Variants in DENND4A observed in about 807,000 individuals in gnomAD.
DENND4A encodes DENN domain containing 4A.
Under a neutral mutation model 199.3 loss-of-function variants are expected in DENND4A, and 70 were observed. The ratio of observed to expected loss-of-function variants is 0.35; its 90% CI spans 0.29 to 0.43. The LOEUF is 0.43. Among genes scored for constraint, DENND4A ranks in the 20% least tolerant of loss-of-function variants. DENND4A has a pLI of 1.00. For missense variants in DENND4A, 1,723 were observed against 2,255.8 expected, an observed-to-expected ratio of 0.76 and a Z score of 4.78; for synonymous variants, 686 against 766.9, an observed-to-expected ratio of 0.89 and a Z score of 1.74.
At chr15:65,746,369 C>CTCTCTTTTTT (rs2076392238) in intron 4 of DENND4A, among the ~76,000 whole-genome samples, 6 of 51,302 alleles carry the variant, frequency 1.2e-4, no homozygotes, top group Admixed American at 3.4e-4. Context: ...ACTTTTTTCT[C>CTCTCTTTTTT]TTTTTTTTTT....
chr15:65,769,233 A>T (rs1165429840), intron 1 of DENND4A, among the ~76,000 whole-genome samples: 1 of 149,658 alleles, frequency 6.7e-6, no homozygotes, highest in African/African-American at 2.5e-5. Context: ...ACACACACAC[A>T]CTCAACTGTG....
At chr15:65,753,706 G>A (rs896791372) in intron 3 of DENND4A, among the ~76,000 whole-genome samples, 1 of 151,708 alleles carries the variant, frequency 6.6e-6, no homozygotes, top group Admixed American at 6.6e-5. Flanking sequence ...TAAATTAAAT[G>A]TGTTTTTGCA....
intron 21 of DENND4A, chr15:65,696,916 G>T: frequency 3.1e-6 from 1 of 318,070 alleles, no homozygotes; most frequent in Non-Finnish European, 6.1e-6. Context: ...CAATCATCAT[G>T]CTCATAAACT....
chr15:65,771,831 A>T, intron 1 of DENND4A: 1 of 1,613,084 alleles, frequency 6.2e-7, no homozygotes, highest in Non-Finnish European at 8.5e-7. Flanking sequence ...GCTTTTCTGG[A>T]TTACTTAAAA....
At chr15:65,751,437 AG>A (rs1200130010) in intron 4 of DENND4A, among the ~76,000 whole-genome samples, 1 of 152,210 alleles carries the variant, frequency 6.6e-6, no homozygotes, top group African/African-American at 2.4e-5. Flanking sequence ...GAGATATTCA[AG>A]AAGGGATGAT....
At chr15:65,771,773 G>C (rs910615841) in intron 1 of DENND4A, 5 of 1,612,996 alleles carry the variant, frequency 3.1e-6, no homozygotes, top group South Asian at 2.2e-5. Flanking sequence ...CCATTGTTTT[G>C]GTGGTTACAT....
At chr15:65,717,532 T>C (rs530333335) in intron 13 of DENND4A, among the ~76,000 whole-genome samples, 70 of 152,274 alleles carry the variant, frequency 4.6e-4, no homozygotes, top group African/African-American at 1.5e-3. Flanking sequence ...GACACAAAAG[T>C]GTAGTCGGTA....
intron 9 of DENND4A, 136 bp from the exon 10 acceptor site, chr15:65,729,814 T>A: frequency 1.3e-6 from 1 of 767,058 alleles, no homozygotes; most frequent in East Asian, 2.8e-5. Flanking sequence ...TTGTATTATA[T>A]ATTCACCGTT....
chr15:65,771,287 A>G (rs568151701), intron 1 of DENND4A: 28 of 1,584,024 alleles, frequency 1.8e-5, no homozygotes, highest in South Asian at 6.7e-5. Context: ...TGCATACTGC[A>G]TATCTGTTTT....
At position 65,756,303 on chromosome 15, in the gene DENND4A, C is replaced by T; in HGVS notation, c.148G>A (p.Val50Ile). 6.2e-7 allele frequency: 1 copy of T among 1,613,570 alleles called. No homozygotes were observed. Among genetic ancestry groups the T allele is most frequent in the Non-Finnish European group, 8.5e-7 (1 of 1,179,708 alleles). ...KPKEPITDVS[V>I]IIKSLGEEVP... ...TCCTCCCCAAGAGATTTGATAATAA[C>T]TGAAACATCTGTAATAGGTTCTTTT... The change falls in exon 3 of 33, where the codon GTT becomes ATT. Residue 50 changes from valine to isoleucine, a missense_variant. Physicochemically the swap from Val to Ile is conservative, Grantham distance 29. Around this residue, in one of 6 missense-constraint regions of DENND4A, gnomAD observed 725 missense variants for 952.9 expected, o/e 0.76. Transcript: ENST00000443035.
chr15:65,751,027 G>C (rs762091291), intron 4 of DENND4A, among the ~76,000 whole-genome samples: 1 of 151,654 alleles, frequency 6.6e-6, no homozygotes, highest in Non-Finnish European at 1.5e-5. Flanking sequence ...TTTTATAAAG[G>C]GTTAAAAAAA....
intron 14 of DENND4A, among the ~76,000 whole-genome samples, chr15:65,706,535 T>C (rs2075065789): frequency 6.6e-6 from 1 of 151,584 alleles, no homozygotes. Context: ...TCTTGCTCTA[T>C]CGCCAGGATG....
At chr15:65,667,782 A>G (rs2076089061) in intron 28 of DENND4A, 79 bp from the exon 29 acceptor site, 1 of 1,504,206 alleles carries the variant, frequency 6.6e-7, no homozygotes. Flanking sequence ...TTCCCATATG[A>G]GTAGAAAAGT....
intron 15 of DENND4A, among the ~76,000 whole-genome samples, chr15:65,704,011 G>C (rs1264393682): frequency 6.6e-6 from 1 of 152,106 alleles, no homozygotes; most frequent in Non-Finnish European, 1.5e-5. Flanking sequence ...AAAGAGGGTA[G>C]ACAATATTTT....
At chr15:65,783,565 T>C (rs2077489353) in intron 1 of DENND4A, among the ~76,000 whole-genome samples, 2 of 152,136 alleles carry the variant, frequency 1.3e-5, no homozygotes, top group African/African-American at 2.4e-5. Context: ...TCTAACATGA[T>C]TCACCAAAAA....
intron 5 of DENND4A, among the ~76,000 whole-genome samples, chr15:65,741,181 A>AC (rs2076251637): frequency 1.3e-5 from 2 of 152,060 alleles, no homozygotes; most frequent in South Asian, 4.2e-4. Context: ...GCCTCCGAAA[A>AC]AACTGGAACC....
intron 1 of DENND4A, among the ~76,000 whole-genome samples, chr15:65,777,119 G>C (rs2077304009): frequency 6.6e-6 from 1 of 152,130 alleles, no homozygotes; most frequent in Non-Finnish European, 1.5e-5. Context: ...AGTGAGCTGA[G>C]ATAGCACCAC....
Position 65,771,619 on chromosome 15 carries a change from A to T in DENND4A, c.-101-10181T>A, listed in dbSNP as rs1330694013. 9 of 1,612,458 alleles carry T rather than the reference A, an allele frequency of 5.6e-6. No homozygotes were observed. The African/African-American group carries it at 9.3e-5, about 17-fold the overall frequency. ...CTTCTCTTTCATGTCCACTATGTCAATGCTGATGTTGTTGGCTATAACCAG... is the reference window on the plus strand; with the variant it reads ...CTTCTCTTTCATGTCCACTATGTCATTGCTGATGTTGTTGGCTATAACCAG... On this transcript the variant is annotated intron_variant, in intron 1 of 32. Transcript: ENST00000443035.
chr15:65,678,844 C>G (rs1302048952), intron 23 of DENND4A, among the ~76,000 whole-genome samples: 1 of 152,060 alleles, frequency 6.6e-6, no homozygotes. Context: ...TGCACACCAC[C>G]ATGACTGGCT....
Sources: gnomAD v4.1 joint callset for allele counts (sites outside exome capture counted in the v4.1 genomes callset) on GRCh38, gnomAD v4.1.1 for gene constraint, gnomAD v4.1.1 regional missense constraint, MANE v1.5 for transcripts, NCBI Gene and HGNC (gene_info 2026-07-23, HGNC 2026-07-21) for gene names.